SNCAIP: variants seen among roughly 807,000 people sequenced by gnomAD.
SNCAIP encodes synphilin-1.
In SNCAIP, 43 loss-of-function variants were observed where a neutral mutation model predicts 86.7. The observed-to-expected ratio is 0.50, with a 90% CI of 0.39 to 0.64. The LOEUF (loss-of-function observed/expected upper bound fraction) is 0.64, where lower values mean the gene tolerates loss of function less well. Ranked by LOEUF, SNCAIP falls within the 30% of genes least tolerant of loss-of-function variation. The pLI is 0.00. For synonymous variants in SNCAIP, 417 were observed against 427.2 expected (o/e 0.98, Z 0.29); for missense variants, 981 against 1,103.1 (o/e 0.89, Z 1.57).
chr5:122,463,413 T>G, intron 10 of SNCAIP, 78 bp from the exon 11 acceptor site: 8 of 822,892 alleles, frequency 9.7e-6, no homozygotes, highest in African/African-American at 1.7e-5. Flanking sequence ...CATTTTTTGG[T>G]GAGCTGTTTA....
At chr5:122,330,247 A>G (rs920485131) in intron 1 of SNCAIP, among the ~76,000 whole-genome samples, 2 of 146,892 alleles carry the variant, frequency 1.4e-5, no homozygotes, top group Non-Finnish European at 3.0e-5. Context: ...TCAGCCTCCC[A>G]AGTAGCTGGG....
At chr5:122,440,522 C>T in intron 6 of SNCAIP, 107 bp from the exon 7 acceptor site, 5 of 1,049,598 alleles carry the variant, frequency 4.8e-6, no homozygotes, top group Non-Finnish European at 7.4e-6. Context: ...CTACGGTAAG[C>T]ATGGTTTTAC....
At chr5:122,428,001 T>C (rs1341454650) in intron 5 of SNCAIP, among the ~76,000 whole-genome samples, 1 of 152,164 alleles carries the variant, frequency 6.6e-6, no homozygotes, top group Non-Finnish European at 1.5e-5. Flanking sequence ...CAGGGTATTA[T>C]TGAGTTTTCT....
intron 1 of SNCAIP, among the ~76,000 whole-genome samples, chr5:122,362,993 A>ATTT (rs769726232): frequency 1.3e-4 from 15 of 113,934 alleles, no homozygotes; most frequent in African/African-American, 2.3e-4. Context: ...CATAAATTCT[A>ATTT]TTTTTTTTTT....
In SNCAIP at chr5:122,423,049, G is replaced by T. The variant is rs748563876; in HGVS notation, c.312G>T (p.Glu104Asp). The T allele has an allele frequency of 6.2e-7, 1 of 1,614,148 alleles. No individual in the cohort carries two copies. The highest frequency in any genetic ancestry group is 1.7e-5 in the Admixed American group (1 of 60,026). The change falls in exon 4 of 11, where the codon GAG becomes GAT. Residue 104 changes from glutamate to aspartate, a missense_variant. Transcript: ENST00000261368. ...ACCAAAAGAACCAGAAAGTGGTTGAGTACCAGAAAGGGGGTGAGTCTGACC... is the reference window on the plus strand; with the variant it reads ...ACCAAAAGAACCAGAAAGTGGTTGATTACCAGAAAGGGGGTGAGTCTGACC... ...SDDQKNQKVV[E>D]YQKGGESDLG...
chr5:122,400,641 G>A (rs1771604154), intron 2 of SNCAIP, among the ~76,000 whole-genome samples: 1 of 152,238 alleles, frequency 6.6e-6, no homozygotes, highest in Non-Finnish European at 1.5e-5. Context: ...TCATGGAGAA[G>A]CAGAACACAG....
At chr5:122,412,401 A>C (rs1341457618) in intron 3 of SNCAIP, among the ~76,000 whole-genome samples, 1 of 151,960 alleles carries the variant, frequency 6.6e-6, no homozygotes, top group African/African-American at 2.4e-5. Context: ...TGCTATTCTC[A>C]TCTTTCTTGA....
rs142172029 is a variant in SNCAIP, at chr5:122,422,954, T to C, written c.217T>C (p.Phe73Leu). 2.4e-4 allele frequency: 392 copies of C among 1,614,182 alleles called. 1 individual carries two copies. The African/African-American group carries it at 4.4e-3, about 18-fold the overall frequency. The change falls in exon 4 of 11, where the codon TTC (phenylalanine) becomes CTC (leucine). Residue 73 changes from phenylalanine to leucine, a missense_variant. Transcript: ENST00000261368. ...PTGIADVYSK[F>L]RPVKRVSPLK... ...AGGAATCGCTGATGTGTACAGTAAG[T>C]TCCGCCCAGTGAAGCGGGTTTCGCC...
intron 1 of SNCAIP, among the ~76,000 whole-genome samples, chr5:122,378,758 T>C (rs1192080711): frequency 2.9e-5 from 4 of 139,440 alleles, no homozygotes; most frequent in African/African-American, 1.1e-4. Flanking sequence ...TTTCTACATA[T>C]GGCTAGCCAG....
chr5:122,316,933 T>C (rs913470007), intron 1 of SNCAIP, among the ~76,000 whole-genome samples: 5 of 152,232 alleles, frequency 3.3e-5, no homozygotes, highest in African/African-American at 1.2e-4. Context: ...CGACCTTGGA[T>C]GGACCAGCTC....
At chr5:122,452,852 ATGTTTAC>A (rs1783987418) in intron 10 of SNCAIP, 1 of 925,696 alleles carries the variant, frequency 1.1e-6, no homozygotes, top group African/African-American at 1.6e-5. Context: ...TGCATGCTTC[ATGTTTAC>A]TGGGACTTGT....
chr5:122,405,990 A>G (rs1482360229), intron 3 of SNCAIP, among the ~76,000 whole-genome samples: 1 of 152,204 alleles, frequency 6.6e-6, no homozygotes, highest in Non-Finnish European at 1.5e-5. Flanking sequence ...GAAATGGATT[A>G]TGAGGGAAAG....
rs573615989 is a variant in SNCAIP at position 122,435,237 on chromosome 5, G to A, written c.1296+3155G>A. 5.3e-5 allele frequency among the ~76,000 whole-genome samples: 8 copies of A among 152,288 alleles called. No individual in the cohort carries two copies. In the South Asian group the frequency reaches 8.3e-4, roughly 16 times the overall value. On this transcript the variant is annotated intron_variant, in intron 6 of 10. Coordinates refer to ENST00000261368, the MANE Select transcript of SNCAIP (RefSeq NM_005460.4). ...GAAGGTGGAAGCATCAGGGACACCC[G>A]AGGAAAAAGCAGGGAGTGTCCTCGG...
In SNCAIP at chr5:122,449,934, C is replaced by A; in HGVS notation, c.1682C>A (p.Pro561His). ...KSEGKSLPSS[P>H]SSPSSPASRK... ...GAGGGCAAGTCACTCCCTTCTTCAC[C>A]CAGGTAATACCAGCACATTGTTGTT... The change falls in exon 9 of 11, where the codon CCC (proline) becomes CAC (histidine). Residue 561 changes from proline to histidine, a missense_variant. Coordinates refer to ENST00000261368, the MANE Select transcript of SNCAIP (RefSeq NM_005460.4). The A allele has an allele frequency of 1.3e-6, 2 of 1,593,358 alleles. No individual in the cohort carries two copies. The highest frequency in any genetic ancestry group is 1.7e-6 in the Non-Finnish European group (2 of 1,161,138).
chr5:122,361,903 C>G (rs1413826610), intron 1 of SNCAIP, among the ~76,000 whole-genome samples: 1 of 152,148 alleles, frequency 6.6e-6, no homozygotes, highest in Non-Finnish European at 1.5e-5. Context: ...GTAAAATTGG[C>G]CAGTAATGAT....
Position 122,319,843 on chromosome 5 carries a change from T to C in SNCAIP, c.-47+7559T>C, listed in dbSNP as rs76363924. On this transcript the variant is annotated intron_variant, in intron 1 of 10. Coordinates refer to ENST00000261368, the MANE Select transcript of SNCAIP (RefSeq NM_005460.4). ...CTAAGCCATGCATTATGAGTCCAGT[T>C]TTAAGCCATGGAGGAGAACGAGGTT... Among the ~76,000 whole-genome samples, 1,371 of 152,344 alleles carry C rather than the reference T, an allele frequency of 9.0e-3. 12 individuals are homozygous for C. Among genetic ancestry groups the C allele is most frequent in the Admixed American group, 0.023 (352 of 15,298 alleles).
intron 6 of SNCAIP, among the ~76,000 whole-genome samples, chr5:122,438,950 C>G (rs182504884): frequency 9.5e-4 from 144 of 152,336 alleles, no homozygotes; most frequent in African/African-American, 3.2e-3. Context: ...CCTCTTGCAG[C>G]CTCCATGTCT....
At chr5:122,431,689 A>T (rs1778433834) in intron 5 of SNCAIP, among the ~76,000 whole-genome samples, 1 of 152,152 alleles carries the variant, frequency 6.6e-6, no homozygotes, top group South Asian at 2.1e-4. Context: ...TTAAAAGATT[A>T]TATTTTATAG....
At chr5:122,403,134 C>T (rs902187307) in intron 2 of SNCAIP, among the ~76,000 whole-genome samples, 3 of 152,278 alleles carry the variant, frequency 2.0e-5, no homozygotes, top group African/African-American at 7.2e-5. Flanking sequence ...GCCTCTGAGT[C>T]GGTGCTGAAA....
Sources: gnomAD v4.1 joint callset for allele counts (sites outside exome capture counted in the v4.1 genomes callset) on GRCh38, gnomAD v4.1.1 for gene constraint, MANE v1.5 for transcripts, NCBI Gene and HGNC (gene_info 2026-07-23, HGNC 2026-07-21) for gene names.